The following PCDH15 variants were observed in gnomAD, a reference collection of about 807,000 sequenced individuals.
The protein encoded by PCDH15 is protocadherin-15.
A neutral mutation model predicts 178.5 loss-of-function variants in PCDH15; 129 were observed. The ratio of observed to expected loss-of-function variants is 0.72; its 90% CI spans 0.63 to 0.84. PCDH15 has a LOEUF of 0.84. Ranked by LOEUF, PCDH15 falls within the 40% of genes least tolerant of loss-of-function variation. The probability of loss-of-function intolerance (pLI) is 0.00; values close to 1 mark genes in which losing one functional copy is unlikely to be tolerated. For missense variants in PCDH15, 2,230 were observed against 2,099.9 expected, an observed-to-expected ratio of 1.06 and a Z score of -1.21; for synonymous variants, 800 against 732.0, an observed-to-expected ratio of 1.09 and a Z score of -1.50.
chr10:55,094,586 ATAAG>A (rs1417339011), intron 2 of PCDH15, among the ~76,000 whole-genome samples: 1 of 152,064 alleles, frequency 6.6e-6, no homozygotes, highest in Non-Finnish European at 1.5e-5. Flanking sequence ...CAACCTGGAA[ATAAG>A]TAAGTTTTTT....
intron 1 of PCDH15, among the ~76,000 whole-genome samples, chr10:54,738,544 T>A (rs1944401932): frequency 6.6e-6 from 1 of 151,972 alleles, no homozygotes; most frequent in African/African-American, 2.4e-5. Context: ...AGGGAATACT[T>A]CAAAACTCAT....
At chr10:53,869,885 G>T (rs888159073) in intron 26 of PCDH15, among the ~76,000 whole-genome samples, 1 of 152,124 alleles carries the variant, frequency 6.6e-6, no homozygotes, top group African/African-American at 2.4e-5. Context: ...TTGTTGATTA[G>T]TTATGCCTAT....
chr10:54,982,814 G>C (rs981506691), intron 2 of PCDH15, among the ~76,000 whole-genome samples: 3 of 152,048 alleles, frequency 2.0e-5, no homozygotes, highest in African/African-American at 7.2e-5. Context: ...CAAAATGTAA[G>C]CATTATATTG....
chr10:54,286,165 T>C (rs1055033925), intron 8 of PCDH15, among the ~76,000 whole-genome samples: 1 of 152,200 alleles, frequency 6.6e-6, no homozygotes, highest in Non-Finnish European at 1.5e-5. Flanking sequence ...AAGTATTGTA[T>C]TGTATGTTTC....
intron 2 of PCDH15, among the ~76,000 whole-genome samples, chr10:54,625,326 T>C (rs2093512928): frequency 6.6e-6 from 1 of 152,144 alleles, no homozygotes; most frequent in Admixed American, 6.5e-5. Flanking sequence ...GACTACAAGT[T>C]TCCTAATGTA....
At chr10:55,470,001 A>C (rs1839920823) in intron 2 of PCDH15, among the ~76,000 whole-genome samples, 1 of 152,040 alleles carries the variant, frequency 6.6e-6, no homozygotes, top group Non-Finnish European at 1.5e-5. Context: ...TTTACCTAGA[A>C]AATATTATGG....
intron 2 of PCDH15, among the ~76,000 whole-genome samples, chr10:55,069,947 C>T (rs1378604120): frequency 6.6e-6 from 1 of 152,106 alleles, no homozygotes; most frequent in Admixed American, 6.6e-5. Context: ...CTGTTGTTTC[C>T]TGACTTTTTA....
At chr10:54,862,167 T>C (rs1260880868) in intron 3 of PCDH15, among the ~76,000 whole-genome samples, 1 of 152,172 alleles carries the variant, frequency 6.6e-6, no homozygotes, top group Non-Finnish European at 1.5e-5. Context: ...TGTAGGAATA[T>C]AAGATTTAAA....
chr10:55,116,322 CTTTG>C (rs945988817), intron 2 of PCDH15, among the ~76,000 whole-genome samples: 3 of 152,124 alleles, frequency 2.0e-5, no homozygotes, highest in South Asian at 2.1e-4. Flanking sequence ...TATTTTCTTT[CTTTG>C]TTTATTTGAC....
chr10:55,120,609 C>T (rs757360619), intron 2 of PCDH15, among the ~76,000 whole-genome samples: 5 of 152,038 alleles, frequency 3.3e-5, no homozygotes, highest in Admixed American at 2.0e-4. Context: ...TCACAACTAC[C>T]AAGAGAAAGA....
chr10:55,329,296 C>G (rs567277746), intron 2 of PCDH15, among the ~76,000 whole-genome samples: 1 of 151,482 alleles, frequency 6.6e-6, no homozygotes, highest in South Asian at 2.1e-4. Flanking sequence ...TTTTAAAAGG[C>G]TACATGTATT....
intron 2 of PCDH15, among the ~76,000 whole-genome samples, chr10:55,079,806 G>A (rs1420262810): frequency 6.6e-6 from 1 of 152,126 alleles, no homozygotes; most frequent in African/African-American, 2.4e-5. Context: ...AGGTTCATGA[G>A]GAAAGTGTGC....
chr10:54,759,458 T>G (rs1947581978), intron 1 of PCDH15, among the ~76,000 whole-genome samples: 1 of 152,208 alleles, frequency 6.6e-6, no homozygotes, highest in African/African-American at 2.4e-5. Context: ...TAAATAAATT[T>G]CCATTTCAAT....
At chr10:53,942,703 T>C (rs763243428) in intron 23 of PCDH15, among the ~76,000 whole-genome samples, 13 of 152,138 alleles carry the variant, frequency 8.5e-5, no homozygotes, top group Non-Finnish European at 1.8e-4. Flanking sequence ...CCACATGTAC[T>C]TGGAAGTGGA....
chr10:54,100,139 G>T (rs532080911), intron 15 of PCDH15, among the ~76,000 whole-genome samples: 1 of 152,072 alleles, frequency 6.6e-6, no homozygotes, highest in East Asian at 1.9e-4. Context: ...AGCCCAAGGC[G>T]GGCAGATCAC....
chr10:54,928,274 C>T lies in PCDH15; in HGVS notation c.-79-30774G>A, dbSNP rs112834008. On this transcript the variant is annotated intron_variant, in intron 2 of 5. Transcript: ENST00000458638. The stretch of plus-strand genomic sequence containing the variant: ...GTTGAATATTGGACCCCAATCTCTT[C>T]TGACTTTAAAGTTTCTGCTGAGAGG... Among the ~76,000 whole-genome samples the T allele has an allele frequency of 8.3e-3, 1,262 of 152,222 alleles. 16 individuals are homozygous for T. Among genetic ancestry groups the T allele is most frequent in the Non-Finnish European group, 0.012 (809 of 68,004 alleles).
chr10:55,204,579 T>G (rs1417068051), intron 1 of PCDH15, among the ~76,000 whole-genome samples: 1 of 152,034 alleles, frequency 6.6e-6, no homozygotes, highest in Non-Finnish European at 1.5e-5. Flanking sequence ...CATGATCTGC[T>G]AAAGGTCTAT....
chr10:55,135,056 T>A (rs1838152070), intron 2 of PCDH15, among the ~76,000 whole-genome samples: 1 of 152,158 alleles, frequency 6.6e-6, no homozygotes, highest in Non-Finnish European at 1.5e-5. Flanking sequence ...TCAGGAAATT[T>A]GGCCTTTTGT....
Position 54,515,342 on chromosome 10 carries a change from C to T in PCDH15, c.157+12470G>A, listed in dbSNP as rs186056547. Reference sequence around the variant, plus strand: ...AGGAGATTATATCCCGCACATGGCTCGGAGGGTCCTATGCCCATGGAGTCT... The same window carrying T: ...AGGAGATTATATCCCGCACATGGCTTGGAGGGTCCTATGCCCATGGAGTCT... On this transcript the variant is annotated intron_variant, in intron 3 of 37. Coordinates refer to ENST00000644397, the MANE Select transcript of PCDH15 (RefSeq NM_001384140.1). Among the ~76,000 whole-genome samples the T allele has an allele frequency of 2.8e-3, 427 of 152,308 alleles. 2 individuals are homozygous for T. The highest frequency in any genetic ancestry group is 9.7e-3 in the African/African-American group (404 of 41,574).
Sources: allele counts gnomAD v4.1 joint callset (sites outside exome capture counted in the v4.1 genomes callset), GRCh38; gene constraint gnomAD v4.1.1; transcripts MANE v1.5; gene names NCBI Gene and HGNC (gene_info 2026-07-23, HGNC 2026-07-21).